LRRTM4: variants seen among roughly 807,000 people sequenced by gnomAD.
The protein encoded by LRRTM4 is leucine-rich repeat transmembrane neuronal protein 4.
Under a neutral mutation model 47.6 loss-of-function variants are expected in LRRTM4, and 25 were observed. The observed-to-expected ratio is 0.53, with a 90% CI of 0.38 to 0.73. The LOEUF is 0.73. LRRTM4 is among the 30% of genes least tolerant of loss of function. The pLI is 0.00. For synonymous variants in LRRTM4, 311 were observed against 269.5 expected, an observed-to-expected ratio of 1.15 and a Z score of -1.51; for missense variants, 638 against 713.4, an observed-to-expected ratio of 0.89 and a Z score of 1.20.
chr2:76,906,491 T>C (rs1035235685), intron 3 of LRRTM4, among the ~76,000 whole-genome samples: 1 of 151,286 alleles, frequency 6.6e-6, no homozygotes, highest in Non-Finnish European at 1.5e-5. Flanking sequence ...AATTCACACA[T>C]AAGAATATTA....
At chr2:77,459,980 T>G (rs1023271463) in intron 3 of LRRTM4, among the ~76,000 whole-genome samples, 1 of 150,656 alleles carries the variant, frequency 6.6e-6, no homozygotes, top group African/African-American at 2.4e-5. Context: ...TCCCAATCTA[T>G]TCTAAGATCA....
chr2:77,170,223 G>A (rs1460731506), intron 3 of LRRTM4, among the ~76,000 whole-genome samples: 1 of 152,128 alleles, frequency 6.6e-6, no homozygotes, highest in Non-Finnish European at 1.5e-5. Context: ...GAGGAAGGCA[G>A]AAGAGTAGAT....
chr2:76,775,755 T>A (rs1022908492), intron 3 of LRRTM4, among the ~76,000 whole-genome samples: 2 of 152,138 alleles, frequency 1.3e-5, no homozygotes, highest in African/African-American at 4.8e-5. Flanking sequence ...CTCTTTTTTT[T>A]AAATTTATTT....
rs539653687 is a variant in LRRTM4, at chr2:76,798,075, G to A, written c.1552-49159C>T. Among the ~76,000 whole-genome samples the A allele has an allele frequency of 2.2e-3, 335 of 151,062 alleles. 1 individual carries two copies. The highest frequency in any genetic ancestry group is 7.9e-3 in the African/African-American group (322 of 40,698). ...AAGTCAACAAGGATACCCAGGAATT[G>A]AACTCAGCTCTGCAGCAAGCAGACC... On this transcript the variant is annotated intron_variant, in intron 3 of 3. Transcript: ENST00000409884.
chr2:77,480,835 GA>G (rs1228825805), intron 3 of LRRTM4, among the ~76,000 whole-genome samples: 48 of 51,236 alleles, frequency 9.4e-4, no homozygotes, highest in Middle Eastern at 0.013. Flanking sequence ...GAGAGAGAGA[GA>G]GAGAGAGAGA....
At chr2:76,812,235 C>A (rs1670756158) in intron 3 of LRRTM4, among the ~76,000 whole-genome samples, 1 of 152,130 alleles carries the variant, frequency 6.6e-6, no homozygotes, top group Non-Finnish European at 1.5e-5. Context: ...ATTTTCAGAT[C>A]TAGGATCCAT....
At chr2:77,265,370 C>A (rs1401223508) in intron 3 of LRRTM4, among the ~76,000 whole-genome samples, 1 of 152,040 alleles carries the variant, frequency 6.6e-6, no homozygotes. Context: ...CCCTCATAAA[C>A]AAATTAATGC....
At chr2:77,154,101 A>G (rs937499770) in intron 3 of LRRTM4, among the ~76,000 whole-genome samples, 1 of 152,214 alleles carries the variant, frequency 6.6e-6, no homozygotes. Flanking sequence ...GGGACAGTGC[A>G]AAGTGTTCTT....
chr2:77,499,720 A>T (rs1678500762), intron 3 of LRRTM4, among the ~76,000 whole-genome samples: 1 of 151,922 alleles, frequency 6.6e-6, no homozygotes. Flanking sequence ...GCTTTCATAG[A>T]CATTATGCAA....
At chr2:77,163,816 A>G (rs1241480229) in intron 3 of LRRTM4, among the ~76,000 whole-genome samples, 1 of 152,190 alleles carries the variant, frequency 6.6e-6, no homozygotes, top group Non-Finnish European at 1.5e-5. Context: ...AAAGCACTAA[A>G]CATGGAAAGG....
At chr2:76,786,458 T>C (rs1000287607) in intron 3 of LRRTM4, among the ~76,000 whole-genome samples, 2 of 152,112 alleles carry the variant, frequency 1.3e-5, no homozygotes, top group East Asian at 1.9e-4. Context: ...TTCATTGTCA[T>C]AGAACTCTAA....
intron 3 of LRRTM4, among the ~76,000 whole-genome samples, chr2:77,067,243 TA>T (rs1173557333): frequency 7.9e-5 from 12 of 152,248 alleles, no homozygotes; most frequent in Non-Finnish European, 1.6e-4. Flanking sequence ...GGACAACATG[TA>T]AAGCACTTTT....
intron 3 of LRRTM4, among the ~76,000 whole-genome samples, chr2:76,846,900 G>T (rs77681636): frequency 7.8e-6 from 1 of 128,814 alleles, no homozygotes; most frequent in Non-Finnish European, 1.5e-5. Flanking sequence ...AAAGTAAAAA[G>T]GTCATATGAT....
intron 3 of LRRTM4, among the ~76,000 whole-genome samples, chr2:76,894,581 G>A (rs1318122632): frequency 1.3e-5 from 2 of 152,054 alleles, no homozygotes; most frequent in African/African-American, 2.4e-5. Flanking sequence ...ACTTTGAAAA[G>A]TCATGTTAAT....
chr2:77,451,692 C>A (rs531570574), intron 3 of LRRTM4, among the ~76,000 whole-genome samples: 14 of 152,030 alleles, frequency 9.2e-5, no homozygotes, highest in Non-Finnish European at 2.1e-4. Context: ...TAGGTGAAAA[C>A]AACTAACTTA....
intron 3 of LRRTM4, among the ~76,000 whole-genome samples, chr2:77,497,103 C>T (rs1678392348): frequency 2.0e-5 from 3 of 151,568 alleles, no homozygotes; most frequent in Non-Finnish European, 4.4e-5. Flanking sequence ...ATTATATTCT[C>T]TTACTATGCT....
At chr2:77,022,843 G>A (rs545055007) in intron 3 of LRRTM4, among the ~76,000 whole-genome samples, 43 of 152,254 alleles carry the variant, frequency 2.8e-4, no homozygotes, top group East Asian at 3.9e-4. Flanking sequence ...CAAGGCTCGC[G>A]TTGTAAGCTG....
At chr2:76,970,442 G>A (rs750811629) in intron 3 of LRRTM4, among the ~76,000 whole-genome samples, 7 of 151,864 alleles carry the variant, frequency 4.6e-5, no homozygotes, top group Non-Finnish European at 1.0e-4. Context: ...AGTGATAAGC[G>A]TATTGATTCG....
intron 3 of LRRTM4, among the ~76,000 whole-genome samples, chr2:76,751,663 C>T (rs1280497943): frequency 6.6e-6 from 1 of 152,060 alleles, no homozygotes; most frequent in African/African-American, 2.4e-5. Flanking sequence ...AGTACAGGTT[C>T]AGACGTAAAA....
Sources: gnomAD v4.1 joint callset for allele counts (sites outside exome capture counted in the v4.1 genomes callset) on GRCh38, gnomAD v4.1.1 for gene constraint, MANE v1.5 for transcripts, NCBI Gene and HGNC (gene_info 2026-07-23, HGNC 2026-07-21) for gene names.